MXI1: variants seen among roughly 807,000 people sequenced by gnomAD.
The protein encoded by MXI1 is max-interacting protein 1.
In MXI1, 18 loss-of-function variants were observed where a neutral mutation model predicts 36.9. That is an observed-to-expected ratio of 0.49 (90% CI 0.34 to 0.72). MXI1 has a LOEUF of 0.72. Among genes scored for constraint, MXI1 ranks in the 30% least tolerant of loss-of-function variants. MXI1 has a pLI of 0.01. For synonymous variants in MXI1, 160 were observed against 146.7 expected (o/e 1.09, Z -0.65); for missense variants, 304 against 379.1 (o/e 0.80, Z 1.64).
chr10:110,247,513 G>GT (rs1198226445), intron 3 of MXI1, among the ~76,000 whole-genome samples: 2 of 152,122 alleles, frequency 1.3e-5, no homozygotes, highest in African/African-American at 4.8e-5. Context: ...GGTTTTTATG[G>GT]TTTTAGGTCT....
At position 110,216,665 on chromosome 10, in the gene MXI1, G is replaced by GTTTTTTTTTTTT. The variant is rs10656872; in HGVS notation, c.274+8592_274+8603dup. ...CCTGTCTCCCCTATCTGTGTTTAATGTTTTTTTTTTTTTTTTTTTTGGAGA... is the reference window on the plus strand; with the variant it reads ...CCTGTCTCCCCTATCTGTGTTTAATGTTTTTTTTTTTTTTTTTTTTTTTTTTTTTTTTGGAGA... On this transcript the variant is annotated intron_variant, in intron 1 of 5. Transcript: ENST00000332674. Among the ~76,000 whole-genome samples the GTTTTTTTTTTTT allele has an allele frequency of 3.2e-4, 25 of 79,052 alleles. 3 individuals carry two copies. Among genetic ancestry groups the GTTTTTTTTTTTT allele is most frequent in the African/African-American group, 1.3e-3 (16 of 12,584 alleles). 51.9% of individuals were successfully genotyped at this position (79,052 alleles called of 152,430 possible).
chr10:110,239,665 G>A (rs1326278846), intron 2 of MXI1, among the ~76,000 whole-genome samples: 1 of 152,108 alleles, frequency 6.6e-6, no homozygotes, highest in Admixed American at 6.6e-5. Flanking sequence ...ATTTGTTTGA[G>A]ATGTAGTATG....
At chr10:110,243,407 A>G (rs1167752973) in intron 2 of MXI1, among the ~76,000 whole-genome samples, 1 of 152,130 alleles carries the variant, frequency 6.6e-6, no homozygotes, top group Admixed American at 6.6e-5. Flanking sequence ...AGTAACTCAA[A>G]GAAGTCTTTT....
intron 3 of MXI1, among the ~76,000 whole-genome samples, chr10:110,256,602 CAAAAAAAA>C (rs58267076): frequency 4.1e-5 from 2 of 48,870 alleles, no homozygotes; most frequent in Admixed American, 2.5e-4. Flanking sequence ...GACTCTGTCT[CAAAAAAAA>C]AAAAAAAAAA....
chr10:110,273,438 T>C (rs965363403), intron 3 of MXI1, among the ~76,000 whole-genome samples: 16 of 152,152 alleles, frequency 1.1e-4, no homozygotes, highest in Admixed American at 1.0e-3. Flanking sequence ...TGAACCACAA[T>C]ATGCTTTTGA....
At chr10:110,248,714 ATTGT>A (rs1391251832) in intron 3 of MXI1, among the ~76,000 whole-genome samples, 1 of 152,094 alleles carries the variant, frequency 6.6e-6, no homozygotes, top group African/African-American at 2.4e-5. Context: ...ACTAATAAAC[ATTGT>A]TTATTTCTCA....
intron 2 of MXI1, among the ~76,000 whole-genome samples, chr10:110,242,133 C>T (rs1442339034): frequency 6.6e-6 from 1 of 151,948 alleles, no homozygotes; most frequent in East Asian, 1.9e-4. Context: ...CAGTTTCAGA[C>T]TCTACTAGTA....
chr10:110,225,972 T>A, intron 1 of MXI1: 6 of 968,752 alleles, frequency 6.2e-6, no homozygotes, highest in Non-Finnish European at 7.4e-6. Context: ...CTCCCGCCCC[T>A]CCCCCGTGCT....
intron 2 of MXI1, 65 bp from the exon 3 acceptor site, chr10:110,244,763 A>G: frequency 7.1e-7 from 1 of 1,400,362 alleles, no homozygotes; most frequent in South Asian, 1.3e-5. Context: ...GCAGTAACTA[A>G]TCTGTCTTTC....
chr10:110,266,248 A>G (rs1048291466), intron 3 of MXI1, among the ~76,000 whole-genome samples: 1 of 151,962 alleles, frequency 6.6e-6, no homozygotes, highest in African/African-American at 2.4e-5. Context: ...GCTGGGATTA[A>G]GGGCATGTGC....
At chr10:110,221,609 G>A (rs768667963) in intron 1 of MXI1, among the ~76,000 whole-genome samples, 1 of 152,224 alleles carries the variant, frequency 6.6e-6, no homozygotes, top group Non-Finnish European at 1.5e-5. Flanking sequence ...TATAATCACT[G>A]AAATAGGCTG....
intron 1 of MXI1, chr10:110,210,141 G>T (rs1854474986): frequency 1.8e-6 from 1 of 562,716 alleles, no homozygotes; most frequent in Non-Finnish European, 2.3e-6. Context: ...AGCCGGGCGC[G>T]CCGGGCTTGG....
intron 2 of MXI1, among the ~76,000 whole-genome samples, chr10:110,237,942 G>A (rs1855529775): frequency 6.6e-6 from 1 of 152,126 alleles, no homozygotes; most frequent in South Asian, 2.1e-4. Flanking sequence ...ATGTCCAGCT[G>A]TTATGCTTAT....
chr10:110,214,261 A>C (rs777848754), intron 1 of MXI1, among the ~76,000 whole-genome samples: 57 of 152,210 alleles, frequency 3.7e-4, no homozygotes, highest in Non-Finnish European at 6.6e-4. Flanking sequence ...TTTATTGTCC[A>C]AGGTCTTCCT....
intron 2 of MXI1, among the ~76,000 whole-genome samples, chr10:110,243,914 T>TG (rs1430957973): frequency 6.6e-6 from 1 of 152,098 alleles, no homozygotes; most frequent in African/African-American, 2.4e-5. Context: ...CCTTAACCTC[T>TG]GTTCAGTATT....
At chr10:110,273,597 C>G (rs1856930901) in intron 3 of MXI1, among the ~76,000 whole-genome samples, 1 of 151,394 alleles carries the variant, frequency 6.6e-6, no homozygotes, top group South Asian at 2.1e-4. Flanking sequence ...AAGTAGCTAG[C>G]TGCTGTCACG....
chr10:110,208,322 G>T, intron 1 of MXI1: 1 of 395,670 alleles, frequency 2.5e-6, no homozygotes, highest in Non-Finnish European at 4.5e-6. Context: ...TCTCCGGCGG[G>T]CTGGGGCTGG....
intron 3 of MXI1, among the ~76,000 whole-genome samples, chr10:110,262,473 T>C (rs774371077): frequency 6.6e-6 from 1 of 152,084 alleles, no homozygotes; most frequent in Non-Finnish European, 1.5e-5. Flanking sequence ...TCAAAAGAGA[T>C]GTCAGATGGA....
intron 1 of MXI1, among the ~76,000 whole-genome samples, chr10:110,216,693 G>C (rs1252154123): frequency 2.2e-5 from 1 of 44,604 alleles, no homozygotes; most frequent in African/African-American, 4.1e-4. Context: ...TTTGGAGACA[G>C]GGTCTTGCTC....
Sources: allele counts gnomAD v4.1 joint callset (sites outside exome capture counted in the v4.1 genomes callset), GRCh38; gene constraint gnomAD v4.1.1; transcripts MANE v1.5; gene names NCBI Gene and HGNC (gene_info 2026-07-23, HGNC 2026-07-21).